PCLO: variants seen among roughly 807,000 people sequenced by gnomAD.
PCLO encodes piccolo presynaptic cytomatrix protein.
PCLO carries 82 observed loss-of-function variants against 427.5 expected under a neutral mutation model. That is an observed-to-expected ratio of 0.19 (90% CI 0.16 to 0.23). The LOEUF is 0.23. PCLO is among the 10% of genes least tolerant of loss of function. The pLI, the probability that PCLO is intolerant of heterozygous loss-of-function variation, is 1.00. For missense variants in PCLO, 6,239 were observed against 6,115.9 expected (o/e 1.02, Z -0.67); for synonymous variants, 2,357 against 2,155.4 (o/e 1.09, Z -2.59).
Position 83,059,357 on chromosome 7 carries a change from AAT to A in PCLO, c.3300+74891_3300+74892del, listed in dbSNP as rs752009069. Among the ~76,000 whole-genome samples, 765 of 111,794 alleles carry A rather than the reference AAT, an allele frequency of 6.8e-3. 4 individuals carry two copies. The highest frequency in any genetic ancestry group is 8.7e-3 in the Non-Finnish European group (495 of 57,180). 73.3% of individuals were successfully genotyped at this position (111,794 alleles called of 152,430 possible). A position where few individuals can be genotyped will look rare whatever the true frequency, so the allele number is the denominator to read the frequency against. On this transcript the variant is annotated intron_variant, in intron 3 of 24. Coordinates refer to ENST00000333891, the MANE Select transcript of PCLO (RefSeq NM_033026.6). ...ATATATTTTATATATACACCTTTAA[AAT>A]ATATATATATATATATATATAAAAA... is the stretch of plus-strand genomic sequence containing the variant.
intron 8 of PCLO, 47 bp downstream of exon 8, chr7:82,908,830 A>G: frequency 6.6e-7 from 1 of 1,513,640 alleles, no homozygotes; most frequent in South Asian, 1.2e-5. Context: ...GGTAGACTTG[A>G]GTCTTTTTTG....
At chr7:82,868,412 A>G (rs754867406) in intron 10 of PCLO, among the ~76,000 whole-genome samples, 1 of 152,168 alleles carries the variant, frequency 6.6e-6, no homozygotes, top group Non-Finnish European at 1.5e-5. Flanking sequence ...CCTTACTTCA[A>G]TCCCTGATTC....
At chr7:82,876,733 T>C (rs558419274) in intron 10 of PCLO, among the ~76,000 whole-genome samples, 3 of 152,248 alleles carry the variant, frequency 2.0e-5, no homozygotes, top group African/African-American at 4.8e-5. Flanking sequence ...TATTTAAATA[T>C]TGACAGTCAA....
chr7:83,151,185 C>A (rs948263355), intron 2 of PCLO, among the ~76,000 whole-genome samples: 17 of 151,998 alleles, frequency 1.1e-4, no homozygotes, highest in African/African-American at 4.1e-4. Flanking sequence ...CTTTTGATTG[C>A]GTTTTTTCTT....
intron 10 of PCLO, among the ~76,000 whole-genome samples, chr7:82,853,996 C>T (rs181623829): frequency 9.3e-4 from 141 of 152,250 alleles, no homozygotes; most frequent in Middle Eastern, 3.4e-3. Flanking sequence ...CTTTAGGATC[C>T]TAAAACTTCC....
At chr7:83,136,883 A>G (rs75412358) in intron 2 of PCLO, among the ~76,000 whole-genome samples, 8,921 of 152,220 alleles carry the variant, frequency 0.059, 573 homozygotes, top group East Asian at 0.26. Context: ...GATAATTTAA[A>G]AGTACCTATG....
intron 2 of PCLO, among the ~76,000 whole-genome samples, chr7:83,152,176 G>A (rs1242195294): frequency 2.0e-5 from 3 of 151,902 alleles, no homozygotes; most frequent in African/African-American, 2.4e-5. Context: ...GTGTTAGCCA[G>A]GATGGTCTCA....
At chr7:82,777,922 A>T (rs1157957681) in intron 22 of PCLO, among the ~76,000 whole-genome samples, 5 of 152,218 alleles carry the variant, frequency 3.3e-5, no homozygotes, top group Non-Finnish European at 7.3e-5. Flanking sequence ...GACAAATGGG[A>T]TCTAAGAAAA....
intron 1 of PCLO, among the ~76,000 whole-genome samples, chr7:83,160,275 A>T (rs73180573): frequency 0.17 from 25,842 of 152,114 alleles, 2,466 homozygotes; most frequent in Middle Eastern, 0.23. Context: ...AGTTGGTCAA[A>T]ATCAATAGGA....
Position 82,915,699 on chromosome 7 carries a change from G to T in PCLO, c.12287C>A (p.Ala4096Glu). 6.2e-7 allele frequency: 1 copy of T among 1,612,746 alleles called. No individual in the cohort carries two copies. The highest frequency in any genetic ancestry group is 1.3e-5 in the African/African-American group (1 of 75,006). The part of the protein sequence containing the change: ...RRSQEVTDFL[A>E]PLQSSSRLHS... Reference sequence around the variant, plus strand: ...CAATCTAGAGGAAGACTGTAAAGGTGCTAGGAAATCTGTCACTTCTTGAGA... The same window carrying T: ...CAATCTAGAGGAAGACTGTAAAGGTTCTAGGAAATCTGTCACTTCTTGAGA... The change falls in exon 7 of 25, where the codon GCA (alanine) becomes GAA (glutamate). Residue 4096 changes from alanine (A) to glutamate (E), a missense_variant. Physicochemically the swap from Ala to Glu is moderately radical, Grantham distance 107. This residue lies in a region of PCLO where 680 missense variants were observed against 677.3 expected (regional missense o/e 1.00). Coordinates refer to ENST00000333891, the MANE Select transcript of PCLO (RefSeq NM_033026.6).
intron 9 of PCLO, among the ~76,000 whole-genome samples, chr7:82,883,196 A>C (rs1424859067): frequency 2.6e-5 from 4 of 152,080 alleles, no homozygotes; most frequent in African/African-American, 4.8e-5. Context: ...TGGTTGGGCT[A>C]AAGAAGAAAA....
At chr7:83,129,614 C>T (rs1276299922) in intron 3 of PCLO, among the ~76,000 whole-genome samples, 1 of 152,004 alleles carries the variant, frequency 6.6e-6, no homozygotes. Flanking sequence ...ACAAGTTTTC[C>T]TTGGGAAATA....
intron 10 of PCLO, among the ~76,000 whole-genome samples, chr7:82,848,304 G>GCTTT (rs1554340492): frequency 1.2e-4 from 10 of 83,878 alleles, no homozygotes; most frequent in Non-Finnish European, 2.2e-4. Context: ...CCATTAGTTA[G>GCTTT]TTTTTTTTTT....
rs1465905866 is a variant in PCLO, at chr7:82,915,014, T to C, written c.12972A>G (p.Leu4324=). 1.2e-6 allele frequency: 2 copies of C among 1,613,640 alleles called. No homozygotes were observed. The highest frequency in any genetic ancestry group is 2.2e-5 in the East Asian group (1 of 44,788). ...LRLKAQEAEA[L]DVSFSHASSS... is the part of the protein sequence containing the mutation. Reference sequence around the variant, plus strand: ...ATGATGCATGACTAAAGGAAACATCTAGAGCTTCAGCCTCTTGAGCTTTCA... The same window carrying C: ...ATGATGCATGACTAAAGGAAACATCCAGAGCTTCAGCCTCTTGAGCTTTCA... Residue 4324 remains leucine (L), a synonymous_variant, in exon 7 of 25, where the codon CTA becomes CTG. Coordinates refer to ENST00000333891, the MANE Select transcript of PCLO (RefSeq NM_033026.6).
intron 3 of PCLO, among the ~76,000 whole-genome samples, chr7:83,124,177 T>A (rs1214302562): frequency 5.4e-5 from 8 of 148,964 alleles, no homozygotes; most frequent in Non-Finnish European, 1.0e-4. Context: ...ATTAGCCGGG[T>A]GCAGTGGCGG....
chr7:83,007,848 T>C (rs41584), intron 3 of PCLO, among the ~76,000 whole-genome samples: 42,682 of 151,394 alleles, frequency 0.28, 6,490 homozygotes, highest in Middle Eastern at 0.45. Context: ...ATTAGGATTA[T>C]GTGATAAAAT....
In PCLO at chr7:82,918,196, G is replaced by C. The variant is rs569550681; in HGVS notation, c.11113-1323C>G. 1.1e-4 allele frequency among the ~76,000 whole-genome samples: 16 copies of C among 152,048 alleles called. No homozygotes were observed. In the South Asian group the frequency reaches 2.9e-3, roughly 28 times the overall value. On this transcript the variant is annotated intron_variant, in intron 6 of 24. Coordinates refer to ENST00000333891, the MANE Select transcript of PCLO (RefSeq NM_033026.6). The stretch of plus-strand genomic sequence containing the variant: ...TCATAGAGCAATCCCAATGTATATG[G>C]AGTATTGAAGTCCCCAAGGCAGCTG...
At chr7:82,776,168 T>G (rs548220302) in intron 22 of PCLO, among the ~76,000 whole-genome samples, 2 of 152,362 alleles carry the variant, frequency 1.3e-5, no homozygotes, top group Admixed American at 6.5e-5. Flanking sequence ...TGCATCTAAT[T>G]TCATTTTCTT....
In PCLO at chr7:82,955,354, G is replaced by C. The variant is rs754332828; in HGVS notation, c.5599C>G (p.Pro1867Ala). 6.2e-7 allele frequency: 1 copy of C among 1,613,572 alleles called. No individual in the cohort carries two copies. Among genetic ancestry groups the C allele is most frequent in the East Asian group, 2.2e-5 (1 of 44,840 alleles). ...TCCGGGCTTATTTCAAAACCTTCTG[G>C]GTCTGACTCTATGCTAGGTGAATAT... ...SEYSPSIESDPEGFEISPEKI... is the reference protein window; with the variant it reads ...SEYSPSIESDAEGFEISPEKI... Residue 1867 changes from proline to alanine, a missense_variant, in exon 5 of 25, where the codon CCA (proline) becomes GCA (alanine). Coordinates refer to ENST00000333891, the MANE Select transcript of PCLO (RefSeq NM_033026.6).
Sources: gnomAD v4.1 joint callset for allele counts (sites outside exome capture counted in the v4.1 genomes callset) on GRCh38, gnomAD v4.1.1 for gene constraint, gnomAD v4.1.1 regional missense constraint, MANE v1.5 for transcripts, NCBI Gene and HGNC (gene_info 2026-07-23, HGNC 2026-07-21) for gene names.